ESRRB: variants seen among roughly 807,000 people sequenced by gnomAD.
ESRRB encodes estrogen related receptor beta.
In ESRRB, 16 loss-of-function variants were observed where a neutral mutation model predicts 46.0. That is an observed-to-expected ratio of 0.35 (90% confidence interval 0.24 to 0.53). ESRRB has a LOEUF of 0.53. Ranked by LOEUF, ESRRB falls within the 20% of genes least tolerant of loss-of-function variation. ESRRB has a pLI of 0.93. For missense variants in ESRRB, 488 were observed against 607.4 expected (o/e 0.80, Z 2.07); for synonymous variants, 246 against 259.6 (o/e 0.95, Z 0.50).
chr14:76,344,642 G>A (rs1884228252), intron 1 of ESRRB, among the ~76,000 whole-genome samples: 1 of 152,176 alleles, frequency 6.6e-6, no homozygotes, highest in Non-Finnish European at 1.5e-5. Context: ...CCTGAGGTCA[G>A]GAGTTCAAGA....
In ESRRB at chr14:76,478,626, A is replaced by G. The variant is rs1278887348; in HGVS notation, c.578-3390A>G. On this transcript the variant is annotated intron_variant, in intron 3 of 6. Coordinates refer to ENST00000644823, the MANE Select transcript of ESRRB (RefSeq NM_001379180.1). The stretch of plus-strand genomic sequence containing the variant: ...CCTGGCATATAGTAGGTGCTCAGTA[A>G]GTGGGGGCCCTTACTGTCTCTTATG... 2.6e-5 allele frequency among the ~76,000 whole-genome samples: 4 copies of G among 151,898 alleles called. No homozygotes were observed. In the East Asian group the frequency reaches 7.8e-4, roughly 29 times the overall value.
intron 1 of ESRRB, among the ~76,000 whole-genome samples, chr14:76,409,992 G>C (rs12895519): frequency 6.6e-6 from 1 of 152,156 alleles, no homozygotes; most frequent in African/African-American, 2.4e-5. Flanking sequence ...GAGAGGCTGA[G>C]GGGGGTGGAT....
intron 1 of ESRRB, among the ~76,000 whole-genome samples, chr14:76,348,077 A>G (rs1884270910): frequency 6.6e-6 from 1 of 152,168 alleles, no homozygotes; most frequent in African/African-American, 2.4e-5. Context: ...GTGCAAAAGT[A>G]ATTGTGAGTT....
chr14:76,485,659 GAA>G (rs1491444486), intron 5 of ESRRB, among the ~76,000 whole-genome samples: 44 of 147,640 alleles, frequency 3.0e-4, no homozygotes, highest in African/African-American at 1.0e-3. Flanking sequence ...GAGAGAGAGA[GAA>G]AGAAAGAGAG....
At chr14:76,319,005 C>A (rs1432448544) in intron 1 of ESRRB, among the ~76,000 whole-genome samples, 2 of 152,196 alleles carry the variant, frequency 1.3e-5, no homozygotes, top group South Asian at 2.1e-4. Flanking sequence ...TATCCGATGA[C>A]CAAGTGAGCA....
intron 1 of ESRRB, among the ~76,000 whole-genome samples, chr14:76,361,232 A>G (rs1212171526): frequency 6.6e-6 from 1 of 151,944 alleles, no homozygotes; most frequent in East Asian, 1.9e-4. Context: ...GGGGTCTACG[A>G]CTCATGTGCT....
chr14:76,324,969 T>TTTTTTC (rs1883911765), intron 1 of ESRRB, among the ~76,000 whole-genome samples: 1 of 92,920 alleles, frequency 1.1e-5, no homozygotes, highest in African/African-American at 3.2e-5. Flanking sequence ...TTTTCTTTTT[T>TTTTTTC]TTTTTTTTTT....
At chr14:76,487,639 TG>T (rs1307108995) in intron 5 of ESRRB, among the ~76,000 whole-genome samples, 1 of 152,196 alleles carries the variant, frequency 6.6e-6, no homozygotes, top group African/African-American at 2.4e-5. Context: ...GATCTCGCTT[TG>T]TCACCCAGGC....
At chr14:76,491,344 C>A in intron 5 of ESRRB, 103 bp from the exon 6 acceptor site, 1 of 1,232,482 alleles carries the variant, frequency 8.1e-7, no homozygotes, top group Non-Finnish European at 1.1e-6. Context: ...GGACACCCCG[C>A]AACCAGCCAC....
chr14:76,461,012 T>C (rs1186703174), intron 2 of ESRRB, among the ~76,000 whole-genome samples: 1 of 151,950 alleles, frequency 6.6e-6, no homozygotes, highest in East Asian at 1.9e-4. Flanking sequence ...GCCACTCCAA[T>C]TGCATTTCTT....
chr14:76,353,887 A>C (rs1342497336), intron 1 of ESRRB, among the ~76,000 whole-genome samples: 2 of 152,156 alleles, frequency 1.3e-5, no homozygotes, highest in Non-Finnish European at 2.9e-5. Context: ...TCACGAGCCC[A>C]GGAAGCTGAG....
chr14:76,409,758 T>G (rs1886353467), intron 1 of ESRRB, among the ~76,000 whole-genome samples: 1 of 151,682 alleles, frequency 6.6e-6, no homozygotes, highest in Non-Finnish European at 1.5e-5. Context: ...CTGAGGGGGC[T>G]CCTTTGGGGA....
intron 2 of ESRRB, among the ~76,000 whole-genome samples, chr14:76,451,464 TAG>T (rs1394778666): frequency 6.6e-6 from 1 of 152,160 alleles, no homozygotes; most frequent in East Asian, 1.9e-4. Context: ...TTTGTTTTGT[TAG>T]TTGTGCTTGG....
chr14:76,482,220 T>C lies in ESRRB; in HGVS notation c.688+94T>C. 3 of 940,012 alleles carry C rather than the reference T, an allele frequency of 3.2e-6. No homozygotes were observed. Among genetic ancestry groups the C allele is most frequent in the South Asian group, 1.3e-5 (1 of 74,334 alleles). The allele number at this position is 940,012 out of a possible 1,614,324, so 58.2% of individuals were successfully genotyped here. ...GAAACATCATCTTCCCACCACTGGGTCATGAGACAATGTGGATCTTGGGGA... is the reference window on the plus strand; with the variant it reads ...GAAACATCATCTTCCCACCACTGGGCCATGAGACAATGTGGATCTTGGGGA... On this transcript the variant is annotated intron_variant, in intron 4 of 6. Transcript: ENST00000644823. This position sits in a 1 kb window ranked among gnomAD's most constrained non-coding sequence, Gnocchi z 4.3.
chr14:76,389,848 TA>T (rs1263438113), intron 1 of ESRRB, among the ~76,000 whole-genome samples: 1 of 152,198 alleles, frequency 6.6e-6, no homozygotes, highest in Non-Finnish European at 1.5e-5. Context: ...CACTTCCTCA[TA>T]TCTTAGTACA....
At chr14:76,460,233 G>A (rs1302108654) in intron 2 of ESRRB, among the ~76,000 whole-genome samples, 2 of 152,182 alleles carry the variant, frequency 1.3e-5, no homozygotes, top group East Asian at 1.9e-4. Flanking sequence ...GACCTCAGCC[G>A]CTGGGTCAGC....
Position 76,498,773 on chromosome 14 carries a change from A to C in ESRRB, c.*315A>C. On this transcript the variant is annotated 3_prime_UTR_variant, in exon 7 of 7. Coordinates refer to ENST00000644823, the MANE Select transcript of ESRRB (RefSeq NM_001379180.1). ...TTCAGGAGTGGAGGCCACTGGAGCA[A>C]GTGCCCTCTCCCCTCCACCGAGCCA... 1 of 702,548 alleles carries C rather than the reference A, an allele frequency of 1.4e-6. No individual in the cohort carries two copies. The highest frequency in any genetic ancestry group is 1.4e-5 in the South Asian group (1 of 73,804). 43.5% of individuals were successfully genotyped at this position (702,548 alleles called of 1,614,324 possible). A position where few individuals can be genotyped will look rare whatever the true frequency, so the allele number is the denominator to read the frequency against.
At chr14:76,373,898 A>G (rs1402743895), upstream of ESRRB, among the ~76,000 whole-genome samples, 2 of 152,178 alleles carry the variant, frequency 1.3e-5, no homozygotes, top group African/African-American at 2.4e-5. Flanking sequence ...CTTTCTCCTC[A>G]TTTGCTCCCA....
intron 1 of ESRRB, among the ~76,000 whole-genome samples, chr14:76,387,212 G>C (rs1353577636): frequency 6.6e-6 from 1 of 152,192 alleles, no homozygotes; most frequent in African/African-American, 2.4e-5. Context: ...CTCGCCAACA[G>C]GGTACCAGCG....
Sources: allele counts gnomAD v4.1 joint callset (sites outside exome capture counted in the v4.1 genomes callset), GRCh38; gene constraint gnomAD v4.1.1; non-coding constraint Gnocchi (gnomAD v3.1); transcripts MANE v1.5; gene names NCBI Gene and HGNC (gene_info 2026-07-23, HGNC 2026-07-21).